MSRA: variants seen among roughly 807,000 people sequenced by gnomAD.
MSRA encodes methionine sulfoxide reductase A.
Under a neutral mutation model 31.3 loss-of-function variants are expected in MSRA, and 54 were observed. The observed-to-expected ratio is 1.73, with a 90% CI of 1.39 to 2.17. The LOEUF (loss-of-function observed/expected upper bound fraction) is 2.17, where lower values mean the gene tolerates loss of function less well. Ranked by LOEUF, MSRA falls within the 30% of genes most tolerant of loss-of-function variation. The pLI, the probability that MSRA is intolerant of heterozygous loss-of-function variation, is 0.00. For synonymous variants in MSRA, 169 were observed against 116.5 expected, an observed-to-expected ratio of 1.45 and a Z score of -2.90; for missense variants, 507 against 300.9, an observed-to-expected ratio of 1.69 and a Z score of -5.07.
chr8:10,271,635 G>C (rs1799044167), intron 3 of MSRA, among the ~76,000 whole-genome samples: 2 of 151,982 alleles, frequency 1.3e-5, no homozygotes, highest in South Asian at 2.1e-4. Context: ...CAGTCAATTT[G>C]CATTACAAAG....
chr8:10,380,778 A>T (rs1183905914), intron 5 of MSRA, among the ~76,000 whole-genome samples: 1 of 152,004 alleles, frequency 6.6e-6, no homozygotes, highest in South Asian at 2.1e-4. Flanking sequence ...GGATGGATGG[A>T]TGGATGAACA....
intron 5 of MSRA, among the ~76,000 whole-genome samples, chr8:10,386,947 C>T (rs1341955190): frequency 6.6e-6 from 1 of 150,808 alleles, no homozygotes; most frequent in East Asian, 2.0e-4. Context: ...ATCGGCTGAA[C>T]TGCAGCTGGT....
chr8:10,291,669 C>A (rs1465520053), intron 3 of MSRA, among the ~76,000 whole-genome samples: 1 of 151,874 alleles, frequency 6.6e-6, no homozygotes, highest in African/African-American at 2.4e-5. Flanking sequence ...ATTCACCCAC[C>A]CTCGCCCCTT....
chr8:10,260,953 T>A (rs1798447956), intron 3 of MSRA, among the ~76,000 whole-genome samples: 1 of 152,210 alleles, frequency 6.6e-6, no homozygotes, highest in South Asian at 2.1e-4. Flanking sequence ...ATCTTTAGTC[T>A]AAGCACAAAG....
chr8:10,237,794 A>T (rs1812074290), intron 2 of MSRA, among the ~76,000 whole-genome samples: 1 of 152,160 alleles, frequency 6.6e-6, no homozygotes, highest in Non-Finnish European at 1.5e-5. Context: ...TATCTTCAAA[A>T]TATATCCAGA....
At chr8:10,092,500 A>G (rs1395020216) in intron 1 of MSRA, among the ~76,000 whole-genome samples, 1 of 152,172 alleles carries the variant, frequency 6.6e-6, no homozygotes, top group Non-Finnish European at 1.5e-5. Flanking sequence ...TTTACTAAAA[A>G]TATAAAAGTT....
intron 1 of MSRA, among the ~76,000 whole-genome samples, chr8:10,096,537 G>A (rs944522133): frequency 8.5e-5 from 13 of 152,156 alleles, no homozygotes; most frequent in African/African-American, 3.1e-4. Context: ...AGCTGTGTTT[G>A]CAATACTTGG....
At chr8:10,376,602 C>G (rs540789299) in intron 5 of MSRA, among the ~76,000 whole-genome samples, 1 of 152,296 alleles carries the variant, frequency 6.6e-6, no homozygotes, top group East Asian at 1.9e-4. Context: ...CTACCTGACA[C>G]ACAGTAAGTG....
intron 3 of MSRA, among the ~76,000 whole-genome samples, chr8:10,262,272 G>A (rs2129094382): frequency 6.6e-6 from 1 of 152,324 alleles, no homozygotes; most frequent in Admixed American, 6.5e-5. Context: ...CATGTGGTTA[G>A]CCTATGTTTA....
chr8:10,200,730 C>T (rs969884024), intron 1 of MSRA, among the ~76,000 whole-genome samples: 1 of 152,190 alleles, frequency 6.6e-6, no homozygotes, highest in Non-Finnish European at 1.5e-5. Context: ...TCTTGGTTAA[C>T]TTGCACCTTA....
intron 1 of MSRA, among the ~76,000 whole-genome samples, chr8:10,101,732 G>A (rs1799541456): frequency 6.6e-6 from 1 of 152,102 alleles, no homozygotes; most frequent in East Asian, 1.9e-4. Flanking sequence ...TCTTTTATGA[G>A]GCTGAATAAT....
At chr8:10,262,180 AT>A (rs1427638843) in intron 3 of MSRA, among the ~76,000 whole-genome samples, 2 of 152,216 alleles carry the variant, frequency 1.3e-5, no homozygotes, top group Admixed American at 6.5e-5. Context: ...CAAAGCTGCT[AT>A]TAACGTTTGT....
At chr8:10,415,380 T>C (rs1015306228) in intron 5 of MSRA, among the ~76,000 whole-genome samples, 1 of 152,148 alleles carries the variant, frequency 6.6e-6, no homozygotes, top group Admixed American at 6.5e-5. Context: ...AGCTCAGCCT[T>C]ACAGACCTTG....
intron 4 of MSRA, among the ~76,000 whole-genome samples, chr8:10,304,717 C>G (rs534961267): frequency 2.0e-5 from 3 of 152,246 alleles, no homozygotes; most frequent in South Asian, 2.1e-4. Context: ...CAACCTGTCA[C>G]GTTTCACAGT....
At chr8:10,260,364 G>A (rs1240533561) in intron 3 of MSRA, among the ~76,000 whole-genome samples, 1 of 152,196 alleles carries the variant, frequency 6.6e-6, no homozygotes, top group African/African-American at 2.4e-5. Context: ...AGCTGCAGGA[G>A]CCTGAGATGG....
intron 2 of MSRA, among the ~76,000 whole-genome samples, chr8:10,216,544 AG>A (rs1810007428): frequency 6.6e-6 from 1 of 152,184 alleles, no homozygotes; most frequent in African/African-American, 2.4e-5. Flanking sequence ...ATCTTCTCAA[AG>A]GGAAGCTCCA....
At chr8:10,400,176 G>A (rs1350327135) in intron 5 of MSRA, among the ~76,000 whole-genome samples, 3 of 152,066 alleles carry the variant, frequency 2.0e-5, no homozygotes, top group South Asian at 2.1e-4. Context: ...CATGTTACGT[G>A]ATCACTCTGG....
chr8:10,218,988 C>T (rs1183995610), intron 2 of MSRA, among the ~76,000 whole-genome samples: 1 of 152,106 alleles, frequency 6.6e-6, no homozygotes, highest in Non-Finnish European at 1.5e-5. Context: ...TCGTTCTTTC[C>T]CCAGATCTTG....
chr8:10,358,775 G>C (rs1452226092), intron 5 of MSRA, among the ~76,000 whole-genome samples: 2 of 149,860 alleles, frequency 1.3e-5, no homozygotes, highest in Non-Finnish European at 3.0e-5. Context: ...TGTATTTTTA[G>C]TAGAGACGGG....
Sources: allele counts gnomAD v4.1 joint callset (sites outside exome capture counted in the v4.1 genomes callset), GRCh38; gene constraint gnomAD v4.1.1; transcripts MANE v1.5; gene names NCBI Gene and HGNC (gene_info 2026-07-23, HGNC 2026-07-21).